PHF24: variants seen among roughly 807,000 people sequenced by gnomAD.
PHF24 encodes the protein PHD finger protein 24, also known as Galpha inhibitory interacting protein.
A neutral mutation model predicts 42.6 loss-of-function variants in PHF24; 25 were observed. That is an observed-to-expected ratio of 0.59 (90% CI 0.43 to 0.82). The LOEUF is 0.82. PHF24 is among the 40% of genes least tolerant of loss of function. The pLI is 0.00. For missense variants in PHF24, 470 were observed against 538.1 expected (o/e 0.87, Z 1.25); for synonymous variants, 185 against 204.8 (o/e 0.90, Z 0.83).
chr9:34,725,816 G>A, the PHF24 span: 2 of 1,549,970 alleles, frequency 1.3e-6, no homozygotes. Flanking sequence ...TTGGGGGAAG[G>A]AGAGCTCATT....
At chr9:34,942,855 G>T in the PHF24 span, among the ~76,000 whole-genome samples, 1 of 150,944 alleles carries the variant, frequency 6.6e-6, no homozygotes, top group Non-Finnish European at 1.5e-5. Context: ...GTCATGGGAT[G>T]GGGGGCAGGG....
chr9:34,734,484 G>T, the PHF24 span, among the ~76,000 whole-genome samples: 5 of 152,198 alleles, frequency 3.3e-5, 1 homozygote, highest in African/African-American at 1.2e-4. Context: ...GAGGGGAAAG[G>T]CACCAAGCCC....
the PHF24 span, chr9:34,709,390 T>C: frequency 7.5e-6 from 12 of 1,606,598 alleles, 1 homozygote; most frequent in Non-Finnish European, 1.0e-5. Flanking sequence ...GGCTGCTCAC[T>C]GGGCTATGGC....
the PHF24 span, among the ~76,000 whole-genome samples, chr9:34,667,139 A>G: frequency 6.6e-6 from 1 of 152,210 alleles, no homozygotes; most frequent in South Asian, 2.1e-4. Flanking sequence ...TAGCTGCCCC[A>G]GAGCTCTGAC....
chr9:34,976,469 G>T, intron 4 of PHF24, 66 bp from the exon 5 acceptor site: 5 of 1,535,204 alleles, frequency 3.3e-6, no homozygotes, highest in Non-Finnish European at 4.4e-6. Context: ...GGGTGCCCTG[G>T]AGGTGATGGA....
the PHF24 span, chr9:34,894,334 T>C: frequency 2.5e-6 from 1 of 397,048 alleles, no homozygotes; most frequent in Middle Eastern, 6.3e-4. Flanking sequence ...ACTGTGTATG[T>C]CTCCCTCCCA....
At chr9:34,916,009 G>A in the PHF24 span, among the ~76,000 whole-genome samples, 383 of 152,130 alleles carry the variant, frequency 2.5e-3, no homozygotes, top group African/African-American at 8.7e-3. Flanking sequence ...TTCTGCCTTC[G>A]TTCGGCACTC....
the PHF24 span, chr9:34,723,903 G>T: frequency 6.4e-7 from 1 of 1,551,530 alleles, no homozygotes; most frequent in African/African-American, 1.4e-5. Context: ...TGATGCTGGG[G>T]GCTGTGTTGA....
chr9:34,844,558 A>G, the PHF24 span, among the ~76,000 whole-genome samples: 243 of 152,280 alleles, frequency 1.6e-3, no homozygotes, highest in African/African-American at 4.9e-3. Flanking sequence ...ATTCAGGAGC[A>G]TGTTGTTTAA....
At chr9:34,685,891 A>G in the PHF24 span, among the ~76,000 whole-genome samples, 1 of 152,196 alleles carries the variant, frequency 6.6e-6, no homozygotes, top group Non-Finnish European at 1.5e-5. Context: ...GAGAAGTGGT[A>G]TGTGTAATAG....
chr9:34,919,534 C>G, the PHF24 span, among the ~76,000 whole-genome samples: 587 of 152,178 alleles, frequency 3.9e-3, 1 homozygote, highest in South Asian at 0.026. Context: ...TCCATCACCT[C>G]AAGCATTTAT....
At chr9:34,753,446 A>G in the PHF24 span, among the ~76,000 whole-genome samples, 2 of 152,114 alleles carry the variant, frequency 1.3e-5, no homozygotes, top group African/African-American at 2.4e-5. Flanking sequence ...CAAGTGAAAG[A>G]TCTCTATGAT....
In PHF24 at chr9:34,975,190, G is replaced by A. The variant is rs79549485; in HGVS notation, c.565-962G>A. ...AGGGGCTCGATAAAGGGTATTGGAG[G>A]TACTTCATAGTAGGCCCCCTCCTTC... On this transcript the variant is annotated intron_variant, in intron 3 of 7. Transcript: ENST00000242315. Among the ~76,000 whole-genome samples, 991 of 152,162 alleles carry A rather than the reference G, an allele frequency of 6.5e-3. 10 individuals are homozygous for A. Among genetic ancestry groups the A allele is most frequent in the African/African-American group, 0.018 (740 of 41,496 alleles).
the PHF24 span, among the ~76,000 whole-genome samples, chr9:34,870,000 A>G: frequency 6.6e-6 from 1 of 152,030 alleles, no homozygotes; most frequent in Non-Finnish European, 1.5e-5. Context: ...CTCCAGCACA[A>G]TGGAGGCCAG....
At chr9:34,810,159 G>A in the PHF24 span, among the ~76,000 whole-genome samples, 1 of 152,024 alleles carries the variant, frequency 6.6e-6, no homozygotes, top group Non-Finnish European at 1.5e-5. Flanking sequence ...GGACGGCCCC[G>A]GTAAGTGGGG....
chr9:34,894,889 GAA>G, the PHF24 span: 4 of 396,456 alleles, frequency 1.0e-5, no homozygotes, highest in African/African-American at 8.2e-5. Flanking sequence ...TCCACCCAAG[GAA>G]GTCTTCCATG....
the PHF24 span, among the ~76,000 whole-genome samples, chr9:34,915,669 A>G: frequency 6.6e-6 from 1 of 152,204 alleles, no homozygotes; most frequent in Non-Finnish European, 1.5e-5. Flanking sequence ...ATCAGAAGGT[A>G]AGGATCGTCT....
At chr9:34,714,312 C>T in the PHF24 span, among the ~76,000 whole-genome samples, 2 of 145,984 alleles carry the variant, frequency 1.4e-5, no homozygotes, top group Admixed American at 7.0e-5. Context: ...CTGGTTTCCC[C>T]ACCTGCCTAA....
chr9:34,818,911 A>G, the PHF24 span, among the ~76,000 whole-genome samples: 2 of 152,332 alleles, frequency 1.3e-5, no homozygotes, highest in South Asian at 2.1e-4. Context: ...TTAATAGAAT[A>G]CTGGTAAGAC....
Sources: gnomAD v4.1 joint callset for allele counts (sites outside exome capture counted in the v4.1 genomes callset) on GRCh38, gnomAD v4.1.1 for gene constraint, MANE v1.5 for transcripts, NCBI Gene and HGNC (gene_info 2026-07-23, HGNC 2026-07-21) for gene names.